The following SLC25A51 variants were observed in gnomAD, a reference collection of about 807,000 sequenced individuals.
The protein encoded by SLC25A51 is mitochondrial nicotinamide adenine dinucleotide transporter SLC25A51.
In SLC25A51, 11 loss-of-function variants were observed where a neutral mutation model predicts 19.1. The observed-to-expected ratio is 0.58, with a 90% confidence interval of 0.36 to 0.96. SLC25A51 has a LOEUF of 0.96. Ranked by LOEUF, SLC25A51 falls within the 40% of genes least tolerant of loss-of-function variation. The pLI is 0.01. For synonymous variants in SLC25A51, 105 were observed against 133.6 expected (o/e 0.79, Z 1.47); for missense variants, 201 against 365.4 (o/e 0.55, Z 3.67).
At chr9:37,903,141 T>G (rs1390344063) in intron 1 of SLC25A51, among the ~76,000 whole-genome samples, 1 of 152,222 alleles carries the variant, frequency 6.6e-6, no homozygotes, top group Non-Finnish European at 1.5e-5. Context: ...TCCAAAGCGG[T>G]AACCTGTGCT....
At chr9:37,885,940 T>C (rs1831446459), downstream of SLC25A51, 2 of 1,611,612 alleles carry the variant, frequency 1.2e-6, no homozygotes, top group Non-Finnish European at 8.5e-7. Context: ...AAACCATTGA[T>C]GAGGAACTAG....
At chr9:37,878,180 G>T (rs372995464), downstream of SLC25A51, 62 of 168,878 alleles carry the variant, frequency 3.7e-4, 2 homozygotes, top group South Asian at 0.011. Flanking sequence ...TCTATGAATT[G>T]CTTGTTAGAT....
intron 2 of SLC25A51, among the ~76,000 whole-genome samples, chr9:37,897,232 TC>T (rs1429960267): frequency 1.3e-5 from 2 of 152,114 alleles, no homozygotes; most frequent in African/African-American, 4.8e-5. Context: ...AAATTTTTTT[TC>T]TTTTTGAGAT....
chr9:37,889,914 C>A (rs1226798176), intron 2 of SLC25A51, among the ~76,000 whole-genome samples: 1 of 151,712 alleles, frequency 6.6e-6, no homozygotes, highest in Non-Finnish European at 1.5e-5. Context: ...CAGTTCTGGT[C>A]TTGGAAATCA....
intron 2 of SLC25A51, among the ~76,000 whole-genome samples, chr9:37,893,251 A>G (rs1831639089): frequency 6.6e-6 from 1 of 152,258 alleles, no homozygotes; most frequent in African/African-American, 2.4e-5. Flanking sequence ...TAAGATCTGT[A>G]TATCCTTTTC....
At chr9:37,883,135 G>A (rs554339040), downstream of SLC25A51, among the ~76,000 whole-genome samples, 4 of 152,336 alleles carry the variant, frequency 2.6e-5, no homozygotes, top group East Asian at 5.8e-4. Context: ...GTGAGCCACC[G>A]CACCCGGCCT....
At chr9:37,888,951 A>G (rs2118320966) in intron 2 of SLC25A51, among the ~76,000 whole-genome samples, 1 of 152,344 alleles carries the variant, frequency 6.6e-6, no homozygotes, top group Middle Eastern at 3.4e-3. Context: ...AAATCATTAG[A>G]AAAAAATGGG....
chr9:37,883,772 A>C (rs886519896), downstream of SLC25A51, among the ~76,000 whole-genome samples: 1 of 152,190 alleles, frequency 6.6e-6, no homozygotes, highest in Admixed American at 6.5e-5. Context: ...AATGGATGCT[A>C]CTCATATTTA....
rs1323926099 is a variant in SLC25A51 at position 37,899,817 on chromosome 9, A to G, written c.-43+12T>C. 1 of 136,416 alleles carries G rather than the reference A, an allele frequency of 7.3e-6. No homozygotes were observed. The highest frequency in any genetic ancestry group is 2.3e-4 in the East Asian group (1 of 4,370). 8.5% of individuals were successfully genotyped at this position (136,416 alleles called of 1,614,324 possible). The stretch of plus-strand genomic sequence containing the variant: ...CAAAATGATGTGTTCCTTGAAGTTT[A>G]ATTGCATTCACCTGTGACATCTGAG... On this transcript the variant is annotated intron_variant, in intron 2 of 2. Transcript: ENST00000242275.
chr9:37,879,106 C>A, downstream of SLC25A51: 1 of 353,470 alleles, frequency 2.8e-6, no homozygotes, highest in Non-Finnish European at 5.7e-6. Context: ...GAAATTTTGG[C>A]ATTCCATGTA....
At chr9:37,904,040 T>C (rs778644474) in intron 1 of SLC25A51, 28 bp downstream of exon 1, 1 of 152,322 alleles carries the variant, frequency 6.6e-6, no homozygotes, top group African/African-American at 2.4e-5. Context: ...GAAAGCCCGG[T>C]GCTTCCCCAC....
intron 1 of SLC25A51, among the ~76,000 whole-genome samples, chr9:37,902,288 G>T (rs933211810): frequency 4.9e-4 from 75 of 152,062 alleles, no homozygotes; most frequent in Non-Finnish European, 2.9e-5. Flanking sequence ...GTGAGAATGG[G>T]GACTGTTATT....
intron 2 of SLC25A51, among the ~76,000 whole-genome samples, chr9:37,893,485 T>C (rs1831643166): frequency 6.6e-6 from 1 of 152,198 alleles, no homozygotes; most frequent in Non-Finnish European, 1.5e-5. Flanking sequence ...GAAAGTCACT[T>C]GGTTGTATCC....
rs1311183017 is a variant in SLC25A51 at position 37,888,206 on chromosome 9, A to C, written c.345T>G (p.Ala115=). The C allele has an allele frequency of 6.2e-7, 1 of 1,614,134 alleles. No individual in the cohort carries two copies. Among genetic ancestry groups the C allele is most frequent in the South Asian group, 1.1e-5 (1 of 91,082 alleles). The part of the protein sequence containing the change: ...LSCLLHKHVS[A]PEFATSGVAA... ...CCACGCCACTGGTTGCAAACTCTGG[A>C]GCACTGACATGCTTGTGGAGAAGGC... The change falls in exon 3 of 3, where the codon GCT becomes GCG. Residue 115 remains alanine, a synonymous_variant. Transcript: ENST00000242275.
chr9:37,894,784 C>T (rs768587237), intron 2 of SLC25A51, among the ~76,000 whole-genome samples: 3 of 152,288 alleles, frequency 2.0e-5, no homozygotes, highest in Non-Finnish European at 4.4e-5. Flanking sequence ...CCTCCACCCT[C>T]CTATGGGCCC....
At chr9:37,887,572 TTA>T, downstream of SLC25A51, 4 of 1,293,648 alleles carry the variant, frequency 3.1e-6, no homozygotes, top group Non-Finnish European at 4.2e-6. Context: ...GGGATTTCCT[TTA>T]AAAAAAAAAA....
intron 2 of SLC25A51, among the ~76,000 whole-genome samples, chr9:37,894,911 G>A (rs1226084722): frequency 1.3e-5 from 2 of 152,138 alleles, no homozygotes; most frequent in Non-Finnish European, 2.9e-5. Context: ...TAAGAATAAT[G>A]GCTTCCAGCT....
At chr9:37,882,042 A>T (rs1831358793) in intron 2 of SLC25A51, among the ~76,000 whole-genome samples, 1 of 152,258 alleles carries the variant, frequency 6.6e-6, no homozygotes, top group South Asian at 2.1e-4. Flanking sequence ...TTCAATAATG[A>T]ACCTTCAAGA....
chr9:37,894,824 A>C (rs1338124286), intron 2 of SLC25A51, among the ~76,000 whole-genome samples: 6 of 152,092 alleles, frequency 3.9e-5, no homozygotes, highest in Admixed American at 1.3e-4. Context: ...CTATGTGTCC[A>C]TGAGTTCACA....
Sources: allele counts gnomAD v4.1 joint callset (sites outside exome capture counted in the v4.1 genomes callset), GRCh38; gene constraint gnomAD v4.1.1; transcripts MANE v1.5; gene names NCBI Gene and HGNC (gene_info 2026-07-23, HGNC 2026-07-21).